Variants in CDC42SE2 observed in about 807,000 individuals in gnomAD.
CDC42SE2 encodes the protein CDC42 small effector protein 2.
CDC42SE2 carries 3 observed loss-of-function variants against 11.5 expected under a neutral mutation model. The observed-to-expected ratio is 0.26, with a 90% CI of 0.12 to 0.67. The LOEUF (loss-of-function observed/expected upper bound fraction) is 0.67. Ranked by LOEUF, CDC42SE2 falls within the 30% of genes least tolerant of loss-of-function variation. CDC42SE2 has a pLI of 0.80. For synonymous variants in CDC42SE2, 33 were observed against 34.8 expected (o/e 0.95, Z 0.18); for missense variants, 82 against 106.8 (o/e 0.77, Z 1.02).
At chr5:131,220,995 C>T in the CDC42SE2 span, among the ~76,000 whole-genome samples, 29 of 151,052 alleles carry the variant, frequency 1.9e-4, no homozygotes, top group African/African-American at 7.1e-4. Context: ...AGCAATTATC[C>T]TGCCTCAGCC....
chr5:131,232,455 G>A, the CDC42SE2 span, among the ~76,000 whole-genome samples: 2 of 151,930 alleles, frequency 1.3e-5, no homozygotes. Flanking sequence ...ATGTTATCCT[G>A]GGCACAGTGG....
chr5:131,338,391 A>G (rs1758628545), intron 2 of CDC42SE2, among the ~76,000 whole-genome samples: 1 of 152,172 alleles, frequency 6.6e-6, no homozygotes, highest in Non-Finnish European at 1.5e-5. Context: ...TAGCCTCACT[A>G]GAAATATAAT....
chr5:131,332,839 T>G (rs1758454666), intron 2 of CDC42SE2, among the ~76,000 whole-genome samples: 1 of 152,250 alleles, frequency 6.6e-6, no homozygotes, highest in Non-Finnish European at 1.5e-5. Flanking sequence ...TGTAAATTTG[T>G]TTGACTTCAT....
At chr5:131,319,625 A>G (rs936178442) in intron 2 of CDC42SE2, among the ~76,000 whole-genome samples, 7 of 152,246 alleles carry the variant, frequency 4.6e-5, no homozygotes, top group Non-Finnish European at 1.0e-4. Context: ...GTAATTCAGT[A>G]TCTGAAAAAT....
intron 2 of CDC42SE2, among the ~76,000 whole-genome samples, chr5:131,348,289 C>G (rs994165798): frequency 1.3e-5 from 2 of 152,206 alleles, no homozygotes; most frequent in African/African-American, 4.8e-5. Context: ...TAAGCAACTT[C>G]AGCAATGTCT....
upstream of CDC42SE2, among the ~76,000 whole-genome samples, chr5:131,262,461 G>C (rs1756751154): frequency 1.3e-5 from 2 of 151,870 alleles, no homozygotes; most frequent in East Asian, 3.9e-4. Context: ...TTTAATCTCA[G>C]GGAATTTTTA....
chr5:131,239,287 T>G, the CDC42SE2 span, among the ~76,000 whole-genome samples: 4 of 151,992 alleles, frequency 2.6e-5, no homozygotes, highest in East Asian at 7.7e-4. Flanking sequence ...AGAAACATTT[T>G]CTGACTGGGC....
At chr5:131,220,537 C>T in the CDC42SE2 span, among the ~76,000 whole-genome samples, 1 of 152,132 alleles carries the variant, frequency 6.6e-6, no homozygotes, top group African/African-American at 2.4e-5. Context: ...GCATATAACA[C>T]TTATTTTCAT....
intron 1 of CDC42SE2, among the ~76,000 whole-genome samples, chr5:131,314,033 C>T (rs1381921512): frequency 3.9e-5 from 6 of 152,010 alleles, no homozygotes; most frequent in Non-Finnish European, 7.4e-5. Context: ...GTTTATTCTA[C>T]AAAAAGGTCA....
intron 2 of CDC42SE2, among the ~76,000 whole-genome samples, chr5:131,354,994 A>C (rs943789401): frequency 3.3e-5 from 5 of 152,102 alleles, no homozygotes; most frequent in Non-Finnish European, 7.4e-5. Flanking sequence ...GAATTTTTTG[A>C]ATACTGACAT....
intron 2 of CDC42SE2, among the ~76,000 whole-genome samples, chr5:131,258,154 T>C (rs749241469): frequency 6.6e-6 from 1 of 152,212 alleles, no homozygotes; most frequent in Admixed American, 6.5e-5. Context: ...ACCTTTAAGA[T>C]GTCAGTTTCT....
the CDC42SE2 span, among the ~76,000 whole-genome samples, chr5:131,221,078 G>A: frequency 6.6e-6 from 1 of 152,030 alleles, no homozygotes; most frequent in East Asian, 1.9e-4. Flanking sequence ...TAGAGATGGG[G>A]TTTCACCATG....
At position 131,392,335 on chromosome 5, in the gene CDC42SE2, T is replaced by C. The variant is rs1214813784; in HGVS notation, c.*1244T>C. The stretch of plus-strand genomic sequence containing the variant: ...TTGTTTGAAACTTCAGCAGAATAGA[T>C]ATCTGCATGCTTTATGAAGTTGTTG... On this transcript the variant is annotated 3_prime_UTR_variant, in exon 5 of 5. Transcript: ENST00000505065. The C allele has an allele frequency of 6.5e-6, 1 of 152,738 alleles. No individual in the cohort carries two copies. The highest frequency in any genetic ancestry group is 1.5e-5 in the Non-Finnish European group (1 of 68,042). The allele number at this position is 152,738 out of a possible 1,614,324, so 9.5% of individuals were successfully genotyped here.
chr5:131,342,445 G>A (rs245794), intron 2 of CDC42SE2, among the ~76,000 whole-genome samples: 1 of 136,040 alleles, frequency 7.4e-6, no homozygotes, highest in Non-Finnish European at 1.5e-5. Context: ...CTGGAGTGCA[G>A]TGGCGCCGAT....
chr5:131,291,500 T>TC (rs1373770900), intron 1 of CDC42SE2, among the ~76,000 whole-genome samples: 1 of 152,182 alleles, frequency 6.6e-6, no homozygotes, highest in Non-Finnish European at 1.5e-5. Context: ...CTCTTTTTTT[T>TC]CTCCTTCCCT....
At chr5:131,336,614 G>A (rs1306645038) in intron 2 of CDC42SE2, among the ~76,000 whole-genome samples, 3 of 152,198 alleles carry the variant, frequency 2.0e-5, no homozygotes, top group South Asian at 2.1e-4. Context: ...ACACCATTGA[G>A]ACGTATATTT....
chr5:131,261,853 T>C (rs902891886), upstream of CDC42SE2, among the ~76,000 whole-genome samples: 1 of 146,030 alleles, frequency 6.8e-6, no homozygotes, highest in Non-Finnish European at 1.5e-5. Context: ...AGTGAGACCC[T>C]GTCTCAAAAA....
intron 1 of CDC42SE2, among the ~76,000 whole-genome samples, chr5:131,312,387 C>T (rs994702884): frequency 3.3e-5 from 5 of 152,106 alleles, no homozygotes; most frequent in Non-Finnish European, 4.4e-5. Flanking sequence ...GAGGTTACTG[C>T]TTTTTGTTTG....
intron 1 of CDC42SE2, among the ~76,000 whole-genome samples, chr5:131,292,906 C>CAAAAAAAAAAAAAAAAAAAA (rs869300653): frequency 1.7e-5 from 1 of 58,898 alleles, no homozygotes. Context: ...GACCCTGTCT[C>CAAAAAAAAAAAAAAAAAAAA]AAAAAAAAAA....
Sources: gnomAD v4.1 joint callset for allele counts (sites outside exome capture counted in the v4.1 genomes callset) on GRCh38, gnomAD v4.1.1 for gene constraint, MANE v1.5 for transcripts, NCBI Gene and HGNC (gene_info 2026-07-23, HGNC 2026-07-21) for gene names.